Variants in GNA11 observed in about 807,000 individuals in gnomAD.
GNA11 encodes G protein subunit alpha 11, also known as guanine nucleotide-binding protein subunit alpha-11.
GNA11 carries 8 observed loss-of-function variants against 38.2 expected under a neutral mutation model. That is an observed-to-expected ratio of 0.21 (90% confidence interval 0.12 to 0.38). The LOEUF (loss-of-function observed/expected upper bound fraction) is 0.38, where lower values mean the gene tolerates loss of function less well. GNA11 is among the 10% of genes least tolerant of loss of function. The pLI is 1.00. For missense variants in GNA11, 268 were observed against 516.3 expected (o/e 0.52, Z 4.66); for synonymous variants, 211 against 221.4 (o/e 0.95, Z 0.42).
chr19:3,110,806 G>GTT lies in GNA11; in HGVS notation c.321+476_321+477dup, dbSNP rs1913758157. Among the ~76,000 whole-genome samples, 1 of 152,046 alleles carries GTT rather than the reference G, an allele frequency of 6.6e-6. No individual in the cohort carries two copies. Among genetic ancestry groups the GTT allele is most frequent in the African/African-American group, 2.4e-5 (1 of 41,394 alleles). On this transcript the variant is annotated intron_variant, in intron 2 of 6. Transcript: ENST00000078429. The surrounding 1 kb of genome is among the most constrained non-coding windows in gnomAD (Gnocchi z 5.4). ...CTGTTTTTTTGTTTTGTTTTGTTTT[G>GTT]TTTTGTTTTGAAAACAGGGTCTCGC...
chr19:3,109,599 C>G (rs1913719387), intron 1 of GNA11, among the ~76,000 whole-genome samples: 1 of 152,216 alleles, frequency 6.6e-6, no homozygotes, highest in African/African-American at 2.4e-5. Context: ...AGGGGAGAGC[C>G]TCGTGGGTGC....
At position 3,110,052 on chromosome 19, in the gene GNA11, C is replaced by A; in HGVS notation, c.137-97C>A. The A allele has an allele frequency of 1.0e-6, 1 of 970,250 alleles. No individual in the cohort carries two copies. Among genetic ancestry groups the A allele is most frequent in the Non-Finnish European group, 1.5e-6 (1 of 647,982 alleles). 60.1% of individuals were successfully genotyped at this position (970,250 alleles called of 1,614,324 possible). A position where few individuals can be genotyped will look rare whatever the true frequency, so the allele number is the denominator to read the frequency against. ...GCCTCACGTGCCTTGGTTTCCTGTG[C>A]TGGGTGCTGCAGCACGGCAGGGTCT... On this transcript the variant is annotated intron_variant, in intron 1 of 6. Coordinates refer to ENST00000078429, the MANE Select transcript of GNA11 (RefSeq NM_002067.5). The surrounding 1 kb of genome is among the most constrained non-coding windows in gnomAD (Gnocchi z 5.4).
chr19:3,114,684 C>T (rs1007912556), intron 3 of GNA11, among the ~76,000 whole-genome samples: 4 of 152,228 alleles, frequency 2.6e-5, no homozygotes, highest in African/African-American at 9.6e-5. Flanking sequence ...GAGTCCTCGT[C>T]CTGGGACTTT....
At chr19:3,106,294 G>A (rs949013168) in intron 1 of GNA11, among the ~76,000 whole-genome samples, 1 of 152,184 alleles carries the variant, frequency 6.6e-6, no homozygotes, top group East Asian at 1.9e-4. Flanking sequence ...GGACCCCTGC[G>A]TCCCAGCTCC....
In GNA11 at chr19:3,123,544, A is replaced by G. The variant is rs1158294131; in HGVS notation, c.*2365A>G. The G allele has an allele frequency of 8.6e-6, 2 of 233,056 alleles. No homozygotes were observed. Among genetic ancestry groups the G allele is most frequent in the East Asian group, 6.0e-5 (1 of 16,552 alleles). The allele number at this position is 233,056 out of a possible 1,614,324, so 14.4% of individuals were successfully genotyped here. ...TTACCTTGGTGAATCTCACCTGCCA[A>G]CGATTTCTCGTGAGTGCCGACCACC... is the stretch of plus-strand genomic sequence containing the variant. On this transcript the variant is annotated 3_prime_UTR_variant, in exon 7 of 7. Transcript: ENST00000078429.
intron 1 of GNA11, among the ~76,000 whole-genome samples, chr19:3,106,175 G>A (rs758511559): frequency 5.7e-4 from 87 of 152,102 alleles, no homozygotes; most frequent in Non-Finnish European, 1.1e-3. Flanking sequence ...GCTGCCGGTC[G>A]GGTGGGAGCG....
At chr19:3,104,926 G>A (rs1913602571) in intron 1 of GNA11, among the ~76,000 whole-genome samples, 1 of 152,174 alleles carries the variant, frequency 6.6e-6, no homozygotes, top group African/African-American at 2.4e-5. Flanking sequence ...GGAAGGGGTA[G>A]TTTATATTTA....
Position 3,094,574 on chromosome 19 carries a change from A to C in GNA11, c.-78A>C, listed in dbSNP as rs949094363. ...GGAGGGCCGCGGCGGGCGGCGGCCG[A>C]GGCGGCTCCGGCCAGGGCCGGGCCG... On this transcript the variant is annotated 5_prime_UTR_variant, in exon 1 of 7. Coordinates refer to ENST00000078429, the MANE Select transcript of GNA11 (RefSeq NM_002067.5). This position sits in a 1 kb window ranked among gnomAD's most constrained non-coding sequence, Gnocchi z 6.0. The C allele has an allele frequency of 5.9e-6, 4 of 675,486 alleles. No homozygotes were observed. Among genetic ancestry groups the C allele is most frequent in the African/African-American group, 4.2e-5 (2 of 47,198 alleles). 41.8% of individuals were successfully genotyped at this position (675,486 alleles called of 1,614,324 possible). A position where few individuals can be genotyped will look rare whatever the true frequency, so the allele number is the denominator to read the frequency against.
At chr19:3,102,347 C>T (rs1019447314) in intron 1 of GNA11, among the ~76,000 whole-genome samples, 1 of 152,242 alleles carries the variant, frequency 6.6e-6, no homozygotes, top group African/African-American at 2.4e-5. Context: ...AGTCCAGAGG[C>T]TGTCCTGCCA....
At position 3,106,227 on chromosome 19, in the gene GNA11, C is replaced by T. The variant is rs140057444; in HGVS notation, c.137-3922C>T. Reference sequence around the variant, plus strand: ...GGCCCTGGATGTTGAGCCCCAGCCGCGGGGTGTGAGGTCTCAGGCAGGACC... The same window carrying T: ...GGCCCTGGATGTTGAGCCCCAGCCGTGGGGTGTGAGGTCTCAGGCAGGACC... On this transcript the variant is annotated intron_variant, in intron 1 of 6. Transcript: ENST00000078429. Among the ~76,000 whole-genome samples, 526 of 152,162 alleles carry T rather than the reference C, an allele frequency of 3.5e-3. 1 individual carries two copies. The highest frequency in any genetic ancestry group is 0.012 in the African/African-American group (497 of 41,494).
chr19:3,095,975 C>A (rs1042178437), intron 1 of GNA11, among the ~76,000 whole-genome samples: 1 of 152,052 alleles, frequency 6.6e-6, no homozygotes, highest in Non-Finnish European at 1.5e-5. Flanking sequence ...AAGCTCTTGC[C>A]CTGCCCCGCC....
intron 3 of GNA11, 110 bp downstream of exon 3, chr19:3,113,594 G>C: frequency 1.2e-6 from 1 of 827,982 alleles, no homozygotes; most frequent in Non-Finnish European, 1.8e-6. Flanking sequence ...CCTGCTCGCC[G>C]GGGGCAGGGA....
In GNA11 at chr19:3,094,851, C is replaced by A; in HGVS notation, c.136+64C>A. ...CCCTGCCTGTGCCTGCCCTGCCTGT[C>A]CGGGTCGGGCCGGGACCCTCCGGGG... is the stretch of plus-strand genomic sequence containing the variant. On this transcript the variant is annotated intron_variant, in intron 1 of 6. Coordinates refer to ENST00000078429, the MANE Select transcript of GNA11 (RefSeq NM_002067.5). This position sits in a 1 kb window ranked among gnomAD's most constrained non-coding sequence, Gnocchi z 6.0. 1 of 1,241,736 alleles carries A rather than the reference C, an allele frequency of 8.1e-7. No homozygotes were observed. Among genetic ancestry groups the A allele is most frequent in the South Asian group, 1.7e-5 (1 of 57,842 alleles). The allele number at this position is 1,241,736 out of a possible 1,614,324, so 76.9% of individuals were successfully genotyped here. A position where few individuals can be genotyped will look rare whatever the true frequency, so the allele number is the denominator to read the frequency against.
chr19:3,119,151 G>A lies in GNA11; in HGVS notation c.736-55G>A, dbSNP rs2145326730. The A allele has an allele frequency of 7.5e-6, 12 of 1,608,044 alleles. No individual in the cohort carries two copies. Among genetic ancestry groups the A allele is most frequent in the Non-Finnish European group, 1.0e-5 (12 of 1,175,530 alleles). ...CCTGGGTCCCCCCAGCTGCCCCTTGGGCTGTGTGCAGTGGGGAGGGCCCCT... is the reference window on the plus strand; with the variant it reads ...CCTGGGTCCCCCCAGCTGCCCCTTGAGCTGTGTGCAGTGGGGAGGGCCCCT... On this transcript the variant is annotated intron_variant, in intron 5 of 6. Transcript: ENST00000078429. This position sits in a 1 kb window ranked among gnomAD's most constrained non-coding sequence, Gnocchi z 4.6.
At position 3,110,183 on chromosome 19, in the gene GNA11, G is replaced by A; in HGVS notation, c.171G>A (p.Lys57=). ...AGAGCGGGAAGAGCACGTTCATCAA[G>A]CAGATGCGCATCATCCACGGCGCCG... The part of the protein sequence containing the change: ...TGESGKSTFI[K]QMRIIHGAGY... The change falls in exon 2 of 7, where the codon AAG becomes AAA. Residue 57 remains lysine, a synonymous_variant. Transcript: ENST00000078429. This position sits in a 1 kb window ranked among gnomAD's most constrained non-coding sequence, Gnocchi z 5.4. The A allele has an allele frequency of 6.2e-7, 1 of 1,612,954 alleles. No individual in the cohort carries two copies. The highest frequency in any genetic ancestry group is 8.5e-7 in the Non-Finnish European group (1 of 1,179,614).
chr19:3,122,544 G>A lies in GNA11; in HGVS notation c.*1365G>A, dbSNP rs79639447. On this transcript the variant is annotated 3_prime_UTR_variant, in exon 7 of 7. Coordinates refer to ENST00000078429, the MANE Select transcript of GNA11 (RefSeq NM_002067.5). This position sits in a 1 kb window ranked among gnomAD's most constrained non-coding sequence, Gnocchi z 7.7. ...GAGACTGGTTCTCCCCGAGAGACTC[G>A]GAAGGTGGGGAACGAGGGGACTGTG... The A allele has an allele frequency of 0.023, 5,454 of 232,798 alleles. 81 individuals carry two copies. The highest frequency in any genetic ancestry group is 0.049 in the African/African-American group (2,210 of 45,388). 14.4% of individuals were successfully genotyped at this position (232,798 alleles called of 1,614,324 possible). A position where few individuals can be genotyped will look rare whatever the true frequency, so the allele number is the denominator to read the frequency against.
At chr19:3,099,208 C>T (rs750220776) in intron 1 of GNA11, among the ~76,000 whole-genome samples, 18 of 150,892 alleles carry the variant, frequency 1.2e-4, no homozygotes, top group Non-Finnish European at 2.2e-4. Flanking sequence ...CTTAGAGGGG[C>T]GCTCGCGGGG....
In GNA11 at chr19:3,108,813, GC is replaced by G. The variant is rs1410215020; in HGVS notation, c.137-1334del. 6.6e-6 allele frequency among the ~76,000 whole-genome samples: 1 copy of G among 152,136 alleles called. No homozygotes were observed. The highest frequency in any genetic ancestry group is 1.5e-5 in the Non-Finnish European group (1 of 68,028). On this transcript the variant is annotated intron_variant, in intron 1 of 6. Transcript: ENST00000078429. The surrounding 1 kb of genome is among the most constrained non-coding windows in gnomAD (Gnocchi z 4.5). ...TAGTCAGGATACCAGCCAAGCAGGG[GC>G]CACATCATTTGAAGGCTGGACTGGA... is the stretch of plus-strand genomic sequence containing the variant.
chr19:3,114,835 T>A (rs1913866863), intron 3 of GNA11, 109 bp from the exon 4 acceptor site: 1 of 1,078,432 alleles, frequency 9.3e-7, no homozygotes, highest in African/African-American at 1.6e-5. Context: ...CAGTGCGCGG[T>A]CCACCCCCTC....
Sources: allele counts gnomAD v4.1 joint callset (sites outside exome capture counted in the v4.1 genomes callset), GRCh38; gene constraint gnomAD v4.1.1; non-coding constraint Gnocchi (gnomAD v3.1); transcripts MANE v1.5; gene names NCBI Gene and HGNC (gene_info 2026-07-23, HGNC 2026-07-21).